The following ADAMTS18 variants were observed in gnomAD, a reference collection of about 807,000 sequenced individuals.
ADAMTS18 encodes ADAM metallopeptidase with thrombospondin type 1 motif 18.
A neutral mutation model predicts 165.9 loss-of-function variants in ADAMTS18; 157 were observed. That is an observed-to-expected ratio of 0.95 (90% CI 0.83 to 1.08). The LOEUF is 1.08. Among genes scored for constraint, ADAMTS18 ranks in the 50% least tolerant of loss-of-function variants. The probability of loss-of-function intolerance (pLI) is 0.00; values close to 1 mark genes in which losing one functional copy is unlikely to be tolerated. For synonymous variants in ADAMTS18, 782 were observed against 578.2 expected (o/e 1.35, Z -5.06); for missense variants, 2,040 against 1,534.0 (o/e 1.33, Z -5.51).
At chr16:77,413,423 G>A (rs1597244997) in intron 3 of ADAMTS18, among the ~76,000 whole-genome samples, 1 of 152,178 alleles carries the variant, frequency 6.6e-6, no homozygotes, top group Non-Finnish European at 1.5e-5. Context: ...CTGCTTCAGT[G>A]CTAGCATTGC....
chr16:77,291,199 T>C, intron 21 of ADAMTS18, 67 bp downstream of exon 21: 1 of 1,549,238 alleles, frequency 6.5e-7, no homozygotes, highest in Non-Finnish European at 8.9e-7. Context: ...AGAGCAACTG[T>C]TTGCAGAACG....
intron 21 of ADAMTS18, chr16:77,290,920 A>T: frequency 3.4e-6 from 1 of 295,802 alleles, no homozygotes. Flanking sequence ...GGCTGTGAGC[A>T]GCATTTCTAA....
chr16:77,349,435 C>T (rs1016404545), intron 10 of ADAMTS18, among the ~76,000 whole-genome samples: 1 of 151,328 alleles, frequency 6.6e-6, no homozygotes, highest in Non-Finnish European at 1.5e-5. Flanking sequence ...TCTGATTGTT[C>T]CCCTGCCCCA....
At chr16:77,375,881 C>G (rs369459908) in intron 3 of ADAMTS18, among the ~76,000 whole-genome samples, 3 of 120,062 alleles carry the variant, frequency 2.5e-5, no homozygotes, top group East Asian at 2.4e-4. Context: ...GTCGTTTTTT[C>G]TTTCTTTCCT....
At chr16:77,335,982 T>C in intron 11 of ADAMTS18, 78 bp from the exon 12 acceptor site, 1 of 1,562,814 alleles carries the variant, frequency 6.4e-7, no homozygotes, top group South Asian at 1.1e-5. Flanking sequence ...ACCTGCACAG[T>C]AACAGGAAAA....
At chr16:77,304,047 A>T (rs1427238775) in intron 16 of ADAMTS18, among the ~76,000 whole-genome samples, 1 of 152,162 alleles carries the variant, frequency 6.6e-6, no homozygotes, top group Non-Finnish European at 1.5e-5. Flanking sequence ...CAAGTGCTAC[A>T]GATCCTATAA....
intron 16 of ADAMTS18, among the ~76,000 whole-genome samples, chr16:77,317,035 T>A (rs1449773223): frequency 6.6e-6 from 1 of 152,170 alleles, no homozygotes; most frequent in East Asian, 1.9e-4. Flanking sequence ...TTGGGTCTTC[T>A]CATCCTTCAA....
chr16:77,342,967 G>A (rs1294585122), intron 10 of ADAMTS18, among the ~76,000 whole-genome samples: 4 of 152,138 alleles, frequency 2.6e-5, no homozygotes, highest in African/African-American at 7.2e-5. Context: ...GAGGGGCCAT[G>A]AGCCAAGGAA....
chr16:77,389,647 A>T (rs1171602154), intron 3 of ADAMTS18, among the ~76,000 whole-genome samples: 1 of 152,178 alleles, frequency 6.6e-6, no homozygotes, highest in African/African-American at 2.4e-5. Context: ...AAGACCACTC[A>T]AGGCACCTGA....
Position 77,297,323 on chromosome 16 carries a change from G to T in ADAMTS18, c.2767C>A (p.Pro923Thr), listed in dbSNP as rs868570004. Residue 923 changes from proline to threonine, a missense_variant, in exon 18 of 23, where the codon CCC (proline) becomes ACC (threonine). By Grantham distance (38) the Pro-to-Thr change is conservative (BLOSUM62 -1). Transcript: ENST00000282849. ...CAGGAGAAAGCGTTGCAGATTTTGG[G>T]CTCAGTTACTGGCTTGGTTTTTGCA... The part of the protein sequence containing the change: ...CSAKTKPVTE[P>T]KICNAFSCPA... The T allele has an allele frequency of 6.2e-6, 10 of 1,614,028 alleles. No homozygotes were observed. In the African/African-American group the frequency reaches 9.3e-5, roughly 15 times the overall value.
intron 3 of ADAMTS18, among the ~76,000 whole-genome samples, chr16:77,368,225 A>T (rs370927673): frequency 6.6e-6 from 1 of 152,136 alleles, no homozygotes; most frequent in East Asian, 1.9e-4. Flanking sequence ...GAAAGCTAGC[A>T]TGGGCACCCA....
intron 10 of ADAMTS18, among the ~76,000 whole-genome samples, chr16:77,349,372 A>T (rs2056522140): frequency 6.6e-6 from 1 of 152,076 alleles, no homozygotes; most frequent in South Asian, 2.1e-4. Flanking sequence ...ATGGAAATTG[A>T]TAGCTTATCT....
intron 12 of ADAMTS18, among the ~76,000 whole-genome samples, chr16:77,330,466 C>T (rs1019180664): frequency 5.9e-5 from 9 of 152,146 alleles, no homozygotes; most frequent in African/African-American, 1.9e-4. Flanking sequence ...GAGTTGCTAC[C>T]GTGAATGGGG....
rs1474758974 is a variant in ADAMTS18 at position 77,375,919 on chromosome 16, T to C, written c.496-8196A>G. Among the ~76,000 whole-genome samples, 3 of 64,816 alleles carry C rather than the reference T, an allele frequency of 4.6e-5. No individual in the cohort carries two copies. In the Admixed American group the frequency reaches 5.0e-4, roughly 11 times the overall value. The allele number at this position is 64,816 out of a possible 152,430, so 42.5% of individuals were successfully genotyped here. A position where few individuals can be genotyped will look rare whatever the true frequency, so the allele number is the denominator to read the frequency against. ...TTTTTTTTTTTTTTTTTTTTTTTTT[T>C]TGAGACGGAGTTTGGCTCTTGTTGC... On this transcript the variant is annotated intron_variant, in intron 3 of 22. Coordinates refer to ENST00000282849, the MANE Select transcript of ADAMTS18 (RefSeq NM_199355.4).
At chr16:77,339,731 C>A (rs2056370388) in intron 11 of ADAMTS18, among the ~76,000 whole-genome samples, 1 of 151,992 alleles carries the variant, frequency 6.6e-6, no homozygotes, top group African/African-American at 2.4e-5. Context: ...ATCATGGCCC[C>A]AACATTTCTA....
In ADAMTS18 at chr16:77,283,999, A is replaced by C. The variant is rs1406203370; in HGVS notation, c.3623T>G (p.Phe1208Cys). Residue 1208 changes from phenylalanine (F) to cysteine (C), a missense_variant, in exon 23 of 23, where the codon TTT becomes TGT. Transcript: ENST00000282849. ...VPQHGVCNHK[F>C]YGKQCCKSCT... ...TGACTTGCAGCATTGTTTTCCGTAA[A>C]ACTTGTGGTTGCAGACACCATGCTG... is the stretch of plus-strand genomic sequence containing the variant. The C allele has an allele frequency of 6.2e-7, 1 of 1,614,010 alleles. No individual in the cohort carries two copies. Among genetic ancestry groups the C allele is most frequent in the Non-Finnish European group, 8.5e-7 (1 of 1,179,936 alleles).
At chr16:77,428,745 T>C (rs932191308) in intron 3 of ADAMTS18, among the ~76,000 whole-genome samples, 2 of 152,062 alleles carry the variant, frequency 1.3e-5, no homozygotes, top group Non-Finnish European at 2.9e-5. Flanking sequence ...TATTGGAGCA[T>C]TTCAGATTTT....
intron 7 of ADAMTS18, among the ~76,000 whole-genome samples, chr16:77,360,248 C>A (rs1047373126): frequency 1.3e-5 from 2 of 152,170 alleles, no homozygotes; most frequent in Non-Finnish European, 2.9e-5. Flanking sequence ...CCATCGTCAT[C>A]GTCACTAAAT....
chr16:77,314,458 C>A (rs542726009), intron 16 of ADAMTS18, among the ~76,000 whole-genome samples: 2 of 151,042 alleles, frequency 1.3e-5, no homozygotes, highest in East Asian at 4.0e-4. Context: ...AAAACATATA[C>A]AAAATTAGCT....
Sources: allele counts gnomAD v4.1 joint callset (sites outside exome capture counted in the v4.1 genomes callset), GRCh38; gene constraint gnomAD v4.1.1; transcripts MANE v1.5; gene names NCBI Gene and HGNC (gene_info 2026-07-23, HGNC 2026-07-21).